LMTK3: variants seen among roughly 807,000 people sequenced by gnomAD.
LMTK3 encodes serine/threonine-protein kinase LMTK3.
A neutral mutation model predicts 116.7 loss-of-function variants in LMTK3; 27 were observed. The ratio of observed to expected loss-of-function variants is 0.23; its 90% CI spans 0.17 to 0.32. LMTK3 has a LOEUF of 0.32. LMTK3 is among the 10% of genes least tolerant of loss of function. The pLI is 1.00. For missense variants in LMTK3, 1,764 were observed against 2,068.5 expected (o/e 0.85, Z 2.86); for synonymous variants, 965 against 971.0 (o/e 0.99, Z 0.11).
chr19:48,506,903 A>T (rs979494973), intron 5 of LMTK3, among the ~76,000 whole-genome samples: 1 of 152,050 alleles, frequency 6.6e-6, no homozygotes, highest in African/African-American at 2.4e-5. Flanking sequence ...TGACCTCATG[A>T]TCTGCCCACC....
In LMTK3 at chr19:48,494,259, G is replaced by A. The variant is rs1042783191; in HGVS notation, c.3677-150C>T. The A allele has an allele frequency of 4.4e-5, 17 of 383,826 alleles. No homozygotes were observed. The highest frequency in any genetic ancestry group is 5.9e-5 in the Non-Finnish European group (15 of 256,168). The allele number at this position is 383,826 out of a possible 1,614,324, so 23.8% of individuals were successfully genotyped here. ...GAAGGGCTGCACCAGGGCTTCTCCA[G>A]GCAGGGTGGGAAAGGTCCTCTCCAG... On this transcript the variant is annotated intron_variant, in intron 11 of 14. Transcript: ENST00000600059. This position sits in a 1 kb window ranked among gnomAD's most constrained non-coding sequence, Gnocchi z 4.0.
chr19:48,510,710 TC>T, intron 1 of LMTK3, 118 bp from the exon 2 acceptor site: 1 of 1,237,968 alleles, frequency 8.1e-7, no homozygotes, highest in African/African-American at 1.5e-5. Flanking sequence ...GCGACCAGGG[TC>T]CCTTGGCAGA....
chr19:48,486,867 T>G lies in LMTK3; in HGVS notation c.4367-1078A>C, dbSNP rs562076835. On this transcript the variant is annotated intron_variant, in intron 14 of 14. Transcript: ENST00000600059. ...TGTCCTTGTTTGTTTTTTGGGGGGG[T>G]TTTGCTTGTTTGTTTTGAGATGGAG... Among the ~76,000 whole-genome samples the G allele has an allele frequency of 5.4e-3, 815 of 150,158 alleles. 10 individuals are homozygous for G. Among genetic ancestry groups the G allele is most frequent in the African/African-American group, 0.019 (774 of 40,706 alleles).
chr19:48,506,151 A>G (rs1223296848), intron 5 of LMTK3, among the ~76,000 whole-genome samples: 1 of 151,826 alleles, frequency 6.6e-6, no homozygotes, highest in East Asian at 1.9e-4. Flanking sequence ...AAAAAAAAAA[A>G]AAGATAAATA....
At chr19:48,502,621 C>G in intron 6 of LMTK3, 40 bp from the exon 7 acceptor site, 2 of 1,513,686 alleles carry the variant, frequency 1.3e-6, no homozygotes. Flanking sequence ...ACCAGCCGCT[C>G]AGGTCTCCAG....
chr19:48,511,100 A>G (rs919704248), intron 1 of LMTK3, among the ~76,000 whole-genome samples: 16 of 152,094 alleles, frequency 1.1e-4, no homozygotes, highest in African/African-American at 3.9e-4. Flanking sequence ...TCCCCAGCCC[A>G]AGACCCAGAG....
At chr19:48,508,808 G>T in intron 5 of LMTK3, 43 bp downstream of exon 5, 1 of 1,436,668 alleles carries the variant, frequency 7.0e-7, no homozygotes, top group Non-Finnish European at 9.8e-7. Context: ...ACTCCTGAAT[G>T]TCACCTCAAC....
rs750685434 is a variant in LMTK3, at chr19:48,497,821, G to T, written c.3248C>A (p.Thr1083Lys). ...GPLGPAPKNG[T>K]LEPGTERRAP... ...TCTCCTCTCGGTCCCGGGTTCCAGC[G>T]TCCCGTTCTTGGGGGCTGGGCCAAG... Residue 1083 changes from threonine (T) to lysine (K), a missense_variant, in exon 11 of 15, where the codon ACG (threonine) becomes AAG (lysine). Physicochemically the swap from Thr to Lys is moderately conservative, Grantham distance 78 (BLOSUM62 -1). Coordinates refer to ENST00000600059, the MANE Select transcript of LMTK3 (RefSeq NM_001388485.1). This position sits in a 1 kb window ranked among gnomAD's most constrained non-coding sequence, Gnocchi z 5.7. The T allele has an allele frequency of 7.2e-6, 10 of 1,389,320 alleles. No individual in the cohort carries two copies. Among genetic ancestry groups the T allele is most frequent in the Non-Finnish European group, 9.3e-6 (10 of 1,077,448 alleles). The allele number at this position is 1,389,320 out of a possible 1,614,324, so 86.1% of individuals were successfully genotyped here.
In LMTK3 at chr19:48,500,715, G is replaced by A. The variant is rs1972449525; in HGVS notation, c.1151+281C>T. Among the ~76,000 whole-genome samples, 1 of 152,206 alleles carries A rather than the reference G, an allele frequency of 6.6e-6. No homozygotes were observed. ...CAGCAGATGGGAACGGCTGGTGAGGGTAGTGGTGTCCCTGTTTGCGCTGTG... is the reference window on the plus strand; with the variant it reads ...CAGCAGATGGGAACGGCTGGTGAGGATAGTGGTGTCCCTGTTTGCGCTGTG... On this transcript the variant is annotated intron_variant, in intron 10 of 14. Transcript: ENST00000600059. This position sits in a 1 kb window ranked among gnomAD's most constrained non-coding sequence, Gnocchi z 4.0.
At position 48,500,090 on chromosome 19, in the gene LMTK3, G is replaced by A. The variant is rs1253622146; in HGVS notation, c.1152-173C>T. 1.3e-5 allele frequency among the ~76,000 whole-genome samples: 2 copies of A among 151,898 alleles called. No homozygotes were observed. The highest frequency in any genetic ancestry group is 2.9e-5 in the Non-Finnish European group (2 of 67,968). On this transcript the variant is annotated intron_variant, in intron 10 of 14. Coordinates refer to ENST00000600059, the MANE Select transcript of LMTK3 (RefSeq NM_001388485.1). This position sits in a 1 kb window ranked among gnomAD's most constrained non-coding sequence, Gnocchi z 4.0. ...GGGGACAGAGACCCAGAGACAGAGGGACAGAGATCCAGAGACAGAGGGACA... is the reference window on the plus strand; with the variant it reads ...GGGGACAGAGACCCAGAGACAGAGGAACAGAGATCCAGAGACAGAGGGACA...
In LMTK3 at chr19:48,494,581, G is replaced by C. The variant is rs1972292497; in HGVS notation, c.3677-472C>G. On this transcript the variant is annotated intron_variant, in intron 11 of 14. Coordinates refer to ENST00000600059, the MANE Select transcript of LMTK3 (RefSeq NM_001388485.1). This position sits in a 1 kb window ranked among gnomAD's most constrained non-coding sequence, Gnocchi z 4.0. ...CCTGACCTTATGATCTGCCCTCTTT[G>C]GCCTCCCAAAGTGCTGGGATTACAG... Among the ~76,000 whole-genome samples the C allele has an allele frequency of 6.6e-6, 1 of 152,032 alleles. No homozygotes were observed. Among genetic ancestry groups the C allele is most frequent in the African/African-American group, 2.4e-5 (1 of 41,384 alleles).
intron 5 of LMTK3, among the ~76,000 whole-genome samples, chr19:48,506,309 G>A (rs1972569737): frequency 6.6e-6 from 1 of 151,858 alleles, no homozygotes; most frequent in South Asian, 2.1e-4. Context: ...CTCCACTAGG[G>A]GGTGAGCTCT....
rs780233378 is a variant in LMTK3, at chr19:48,491,507, G to A, written c.4125C>T (p.Ala1375=). The change falls in exon 13 of 15, where the codon GCC becomes GCT. Residue 1375 remains alanine, a synonymous_variant. Transcript: ENST00000600059. The surrounding 1 kb of genome is among the most constrained non-coding windows in gnomAD (Gnocchi z 5.1). ...ETPTNELSVQ[A]PPEGDTDPST... ...ACGGGTCCGTGTCCCCCTCGGGGGGGGCCTGGACGCTCAGCTCGTTGGTTG... is the reference window on the plus strand; with the variant it reads ...ACGGGTCCGTGTCCCCCTCGGGGGGAGCCTGGACGCTCAGCTCGTTGGTTG... The A allele has an allele frequency of 2.1e-6, 3 of 1,402,544 alleles. No homozygotes were observed. Among genetic ancestry groups the A allele is most frequent in the Admixed American group, 6.2e-5 (2 of 32,244 alleles). 86.9% of individuals were successfully genotyped at this position (1,402,544 alleles called of 1,614,324 possible).
intron 11 of LMTK3, among the ~76,000 whole-genome samples, chr19:48,495,078 C>T (rs57295645): frequency 6.6e-6 from 1 of 151,230 alleles, no homozygotes; most frequent in African/African-American, 2.4e-5. Context: ...GGTACGATCT[C>T]GGCGCATTGC....
In LMTK3 at chr19:48,510,199, G is replaced by T. The variant is rs977889718; in HGVS notation, c.211-26C>A. ...CTGGGGCCAGGAGAGGAGAAGAGGG[G>T]TGGGAGAACGCAGGGCTGAGAGACA... On this transcript the variant is annotated intron_variant, in intron 2 of 14. Transcript: ENST00000600059. 4 of 1,603,144 alleles carry T rather than the reference G, an allele frequency of 2.5e-6. No homozygotes were observed. The African/African-American group carries it at 5.4e-5, about 21-fold the overall frequency.
rs984429065 is a variant in LMTK3 at position 48,511,608 on chromosome 19, T to C, written c.-32A>G. On this transcript the variant is annotated 5_prime_UTR_variant, in exon 1 of 15. Transcript: ENST00000600059. ...GAGGATGGCAGGGAGGTGGAGGTGG[T>C]GGCGGCTGGGGAGGAGGGGGGGGCG... 7 of 159,230 alleles carry C rather than the reference T, an allele frequency of 4.4e-5. No individual in the cohort carries two copies. The highest frequency in any genetic ancestry group is 7.8e-5 in the Non-Finnish European group (7 of 90,104). The allele number at this position is 159,230 out of a possible 1,614,324, so 9.9% of individuals were successfully genotyped here.
chr19:48,497,820 C>A lies in LMTK3; in HGVS notation c.3249G>T (p.Thr1083=). 2.9e-6 allele frequency: 4 copies of A among 1,389,012 alleles called. No individual in the cohort carries two copies. Among genetic ancestry groups the A allele is most frequent in the Non-Finnish European group, 1.9e-6 (2 of 1,077,412 alleles). The allele number at this position is 1,389,012 out of a possible 1,614,324, so 86.0% of individuals were successfully genotyped here. ...CTCTCCTCTCGGTCCCGGGTTCCAG[C>A]GTCCCGTTCTTGGGGGCTGGGCCAA... is the stretch of plus-strand genomic sequence containing the variant. ...GPLGPAPKNG[T]LEPGTERRAP... is the part of the protein sequence containing the mutation. The change falls in exon 11 of 15, where the codon ACG becomes ACT. Residue 1083 remains threonine (T), a synonymous_variant. Coordinates refer to ENST00000600059, the MANE Select transcript of LMTK3 (RefSeq NM_001388485.1). The surrounding 1 kb of genome is among the most constrained non-coding windows in gnomAD (Gnocchi z 5.7).
rs1341175431 is a variant in LMTK3, at chr19:48,497,789, CG to C, written c.3279del (p.Glu1094ArgfsTer45). ...GGGGCTCTCGGCGCCCCCCCAGTCTCGGGGGCTCTCCTCTCGGTCCCGGGTT... is the reference window on the plus strand; with the variant it reads ...GGGGCTCTCGGCGCCCCCCCAGTCTCGGGGCTCTCCTCTCGGTCCCGGGTT... The part of the protein sequence containing the change: ...TLEPGTERRA[P>X]ETGGAPRAPG... On this transcript the variant is annotated frameshift_variant, in exon 11 of 15. Coordinates refer to ENST00000600059, the MANE Select transcript of LMTK3 (RefSeq NM_001388485.1). LOFTEE classifies it high-confidence loss of function. The surrounding 1 kb of genome is among the most constrained non-coding windows in gnomAD (Gnocchi z 5.7). 2.2e-6 allele frequency: 3 copies of C among 1,375,164 alleles called. No individual in the cohort carries two copies. The highest frequency in any genetic ancestry group is 1.9e-6 in the Non-Finnish European group (2 of 1,070,182). The allele number at this position is 1,375,164 out of a possible 1,614,324, so 85.2% of individuals were successfully genotyped here. A position where few individuals can be genotyped will look rare whatever the true frequency, so the allele number is the denominator to read the frequency against.
At chr19:48,508,114 G>A (rs1156727421) in intron 5 of LMTK3, among the ~76,000 whole-genome samples, 1 of 152,136 alleles carries the variant, frequency 6.6e-6, no homozygotes, top group Non-Finnish European at 1.5e-5. Flanking sequence ...AGGCCAGCGT[G>A]GCTGGGGTGA....
Sources: allele counts gnomAD v4.1 joint callset (sites outside exome capture counted in the v4.1 genomes callset), GRCh38; gene constraint gnomAD v4.1.1; non-coding constraint Gnocchi (gnomAD v3.1); transcripts MANE v1.5; gene names NCBI Gene and HGNC (gene_info 2026-07-23, HGNC 2026-07-21).